Variants in STPG4 observed in about 807,000 individuals in gnomAD.
The protein encoded by STPG4 is sperm-tail PG-rich repeat containing 4, also known as protein STPG4.
Under a neutral mutation model 31.5 loss-of-function variants are expected in STPG4, and 41 were observed. The observed-to-expected ratio is 1.30, with a 90% confidence interval of 1.01 to 1.69. The LOEUF is 1.69. Among genes scored for constraint, STPG4 ranks in the 40% most tolerant of loss-of-function variants. The pLI is 0.00. For synonymous variants in STPG4, 141 were observed against 103.0 expected, an observed-to-expected ratio of 1.37 and a Z score of -2.24; for missense variants, 375 against 293.4, an observed-to-expected ratio of 1.28 and a Z score of -2.03.
intron 3 of STPG4, 71 bp from the exon 4 acceptor site, chr2:47,130,331 T>C (rs1303123847): frequency 2.5e-5 from 30 of 1,208,306 alleles, no homozygotes; most frequent in Admixed American, 9.1e-5. Context: ...CTGTCATTCG[T>C]AATCTTTTAT....
intron 3 of STPG4, among the ~76,000 whole-genome samples, chr2:47,133,233 C>A (rs1206305427): frequency 6.6e-6 from 1 of 151,608 alleles, no homozygotes; most frequent in Non-Finnish European, 1.5e-5. Flanking sequence ...AGTGGCGCAA[C>A]CATAGCTCAC....
chr2:47,135,215 AT>A (rs1174087746), intron 3 of STPG4, among the ~76,000 whole-genome samples: 1 of 152,118 alleles, frequency 6.6e-6, no homozygotes, highest in Non-Finnish European at 1.5e-5. Flanking sequence ...TTTATTAATT[AT>A]TTCTTTCATG....
In STPG4 at chr2:47,145,829, C is replaced by T. The variant is rs182977963; in HGVS notation, c.399+5429G>A. 3.9e-3 allele frequency among the ~76,000 whole-genome samples: 591 copies of T among 152,028 alleles called. 4 individuals are homozygous for T. Among genetic ancestry groups the T allele is most frequent in the Non-Finnish European group, 6.1e-3 (412 of 67,998 alleles). On this transcript the variant is annotated intron_variant, in intron 3 of 6. Transcript: ENST00000445927. ...ATTAACAAATAATCAATGTAAAGTGCAAGTAAATTATATAGTACACTTGAT... is the reference window on the plus strand; with the variant it reads ...ATTAACAAATAATCAATGTAAAGTGTAAGTAAATTATATAGTACACTTGAT...
At chr2:47,090,716 T>C (rs1040998945) in intron 5 of STPG4, among the ~76,000 whole-genome samples, 5 of 152,240 alleles carry the variant, frequency 3.3e-5, no homozygotes, top group African/African-American at 9.6e-5. Context: ...CCTCATGCCG[T>C]ACTTCTCCCT....
chr2:47,094,960 A>G (rs1322234780), intron 5 of STPG4, among the ~76,000 whole-genome samples: 1 of 152,174 alleles, frequency 6.6e-6, no homozygotes, highest in Non-Finnish European at 1.5e-5. Context: ...GTTAATCTGT[A>G]TCATCAATAC....
chr2:47,150,846 C>T (rs547181082), intron 3 of STPG4, among the ~76,000 whole-genome samples: 2 of 151,956 alleles, frequency 1.3e-5, no homozygotes, highest in East Asian at 3.9e-4. Flanking sequence ...AAAAGCTTCC[C>T]TGTGGTATGT....
At chr2:47,130,751 G>GCCGTC (rs1686464028) in intron 3 of STPG4, among the ~76,000 whole-genome samples, 1 of 152,136 alleles carries the variant, frequency 6.6e-6, no homozygotes, top group Admixed American at 6.5e-5. Context: ...CTGGCCTCAA[G>GCCGTC]TGATCCACCT....
intron 5 of STPG4, among the ~76,000 whole-genome samples, chr2:47,125,814 C>T (rs1388525250): frequency 1.3e-5 from 2 of 152,046 alleles, no homozygotes; most frequent in Non-Finnish European, 2.9e-5. Flanking sequence ...CTGCCTTGGC[C>T]TCCCAAAGTG....
intron 3 of STPG4, among the ~76,000 whole-genome samples, chr2:47,142,568 C>T (rs1246849708): frequency 6.6e-6 from 1 of 152,102 alleles, no homozygotes; most frequent in Non-Finnish European, 1.5e-5. Context: ...ATCATTTACA[C>T]ATTGAAAACA....
intron 5 of STPG4, among the ~76,000 whole-genome samples, chr2:47,105,988 A>G (rs1685902485): frequency 6.6e-6 from 1 of 151,898 alleles, no homozygotes; most frequent in South Asian, 2.1e-4. Flanking sequence ...TGGGAAGGAG[A>G]GGGGAGAACA....
intron 5 of STPG4, among the ~76,000 whole-genome samples, chr2:47,112,339 G>GT (rs528001478): frequency 0.095 from 13,751 of 144,666 alleles, 810 homozygotes; most frequent in Non-Finnish European, 0.13. Context: ...GCTAATTTTT[G>GT]TTTTTTTTTT....
At chr2:47,136,575 G>T (rs981295693) in intron 3 of STPG4, among the ~76,000 whole-genome samples, 3 of 152,162 alleles carry the variant, frequency 2.0e-5, no homozygotes, top group African/African-American at 7.2e-5. Flanking sequence ...ATATATGTGT[G>T]TGTTCTTGAC....
intron 5 of STPG4, among the ~76,000 whole-genome samples, chr2:47,099,773 C>G (rs772399913): frequency 2.6e-5 from 4 of 152,248 alleles, no homozygotes; most frequent in African/African-American, 9.6e-5. Context: ...GTGGCGCTTG[C>G]GGGCCAGCTG....
chr2:47,139,536 C>T (rs901578166), intron 3 of STPG4, among the ~76,000 whole-genome samples: 2 of 152,018 alleles, frequency 1.3e-5, no homozygotes, highest in Non-Finnish European at 2.9e-5. Context: ...TTGCCAGCAT[C>T]TCCACCTTCT....
At chr2:47,105,476 A>T (rs112017451) in intron 5 of STPG4, among the ~76,000 whole-genome samples, 1 of 152,094 alleles carries the variant, frequency 6.6e-6, no homozygotes, top group Non-Finnish European at 1.5e-5. Context: ...CTTCAAATAC[A>T]CACCTGCGTG....
chr2:47,124,239 C>G (rs1387696866), intron 5 of STPG4, among the ~76,000 whole-genome samples: 1 of 152,240 alleles, frequency 6.6e-6, no homozygotes, highest in South Asian at 2.1e-4. Flanking sequence ...GATCCGCCTG[C>G]CTCCCAAAGT....
intron 5 of STPG4, among the ~76,000 whole-genome samples, chr2:47,128,177 C>A (rs187489596): frequency 1.8e-4 from 28 of 152,280 alleles, no homozygotes; most frequent in Admixed American, 1.6e-3. Flanking sequence ...TGGTTCTCTT[C>A]CCTTCCCTTC....
At chr2:47,130,445 G>A (rs941309639) in intron 3 of STPG4, among the ~76,000 whole-genome samples, 185 bp from the exon 4 acceptor site, 1 of 152,162 alleles carries the variant, frequency 6.6e-6, no homozygotes. Flanking sequence ...ACATAGATTC[G>A]GTCTTCATGG....
intron 5 of STPG4, among the ~76,000 whole-genome samples, chr2:47,093,495 G>A (rs555396069): frequency 1.3e-5 from 2 of 152,272 alleles, no homozygotes; most frequent in South Asian, 4.1e-4. Flanking sequence ...TGAGTAGCTG[G>A]GGCAAGAGAT....
Sources: allele counts gnomAD v4.1 joint callset (sites outside exome capture counted in the v4.1 genomes callset), GRCh38; gene constraint gnomAD v4.1.1; transcripts MANE v1.5; gene names NCBI Gene and HGNC (gene_info 2026-07-23, HGNC 2026-07-21).